Variants in STK32B observed in about 807,000 individuals in gnomAD.
The protein encoded by STK32B is serine/threonine-protein kinase 32B.
STK32B carries 43 observed loss-of-function variants against 52.6 expected under a neutral mutation model. The ratio of observed to expected loss-of-function variants is 0.82; its 90% CI spans 0.64 to 1.05. The LOEUF is 1.05. Among genes scored for constraint, STK32B ranks in the 50% least tolerant of loss-of-function variants. The probability of loss-of-function intolerance (pLI) is 0.00; values close to 1 mark genes in which losing one functional copy is unlikely to be tolerated. For synonymous variants in STK32B, 238 were observed against 204.3 expected (o/e 1.17, Z -1.41); for missense variants, 621 against 534.6 (o/e 1.16, Z -1.59).
intron 3 of STK32B, among the ~76,000 whole-genome samples, chr4:5,327,634 G>C (rs1464826378): frequency 2.0e-5 from 3 of 152,008 alleles, no homozygotes; most frequent in Non-Finnish European, 4.4e-5. Flanking sequence ...CTGGTGTGCT[G>C]TCATCTGGGG....
chr4:5,199,505 T>G (rs996349780), intron 3 of STK32B, among the ~76,000 whole-genome samples: 3 of 152,088 alleles, frequency 2.0e-5, no homozygotes, highest in African/African-American at 7.2e-5. Context: ...TTTTTTTTTT[T>G]GCATCTCTGA....
At chr4:5,362,683 G>T (rs1191663732) in intron 4 of STK32B, among the ~76,000 whole-genome samples, 5 of 152,120 alleles carry the variant, frequency 3.3e-5, no homozygotes, top group Admixed American at 6.5e-5. Flanking sequence ...ATAAAAGCTG[G>T]AAAAACAGCA....
rs531681913 is a variant in STK32B at position 5,485,974 on chromosome 4, G to A, written c.1107-12971G>A. Among the ~76,000 whole-genome samples the A allele has an allele frequency of 5.3e-4, 80 of 152,298 alleles. 1 individual carries two copies. The highest frequency in any genetic ancestry group is 1.8e-3 in the African/African-American group (73 of 41,570). On this transcript the variant is annotated intron_variant, in intron 11 of 11. Transcript: ENST00000282908. ...TTTTGTCTCAGGGGAGTACCTGGCC[G>A]TGTGAGGTGTCAGTCTGCCCCTACT...
At chr4:5,049,759 G>GT (rs942275038), upstream of STK32B, among the ~76,000 whole-genome samples, 12 of 151,824 alleles carry the variant, frequency 7.9e-5, no homozygotes, top group Admixed American at 5.2e-4. Context: ...GCTAAGTTTT[G>GT]TTTTTTTAGT....
chr4:5,346,970 A>G (rs558914119), intron 4 of STK32B, among the ~76,000 whole-genome samples: 2 of 152,278 alleles, frequency 1.3e-5, no homozygotes, highest in South Asian at 4.1e-4. Context: ...AACACTTATA[A>G]AACCATCAGA....
chr4:5,432,872 C>T (rs894110901), intron 6 of STK32B, among the ~76,000 whole-genome samples: 41 of 152,178 alleles, frequency 2.7e-4, no homozygotes, highest in African/African-American at 9.6e-4. Flanking sequence ...TTTCTCTTCA[C>T]AATAAGATTT....
chr4:5,352,354 T>A (rs761187422), intron 4 of STK32B, among the ~76,000 whole-genome samples: 6 of 152,036 alleles, frequency 3.9e-5, no homozygotes, highest in Non-Finnish European at 7.4e-5. Flanking sequence ...CAAATGATCA[T>A]CTAAATAGAT....
chr4:5,348,917 C>G (rs1733649085), intron 4 of STK32B, among the ~76,000 whole-genome samples: 1 of 152,162 alleles, frequency 6.6e-6, no homozygotes, highest in African/African-American at 2.4e-5. Context: ...GAGGTCAGGC[C>G]CAGTCAGCCT....
chr4:5,309,054 G>A (rs1339042898), intron 3 of STK32B, among the ~76,000 whole-genome samples: 1 of 152,022 alleles, frequency 6.6e-6, no homozygotes, highest in African/African-American at 2.4e-5. Flanking sequence ...CAGTAAAGTT[G>A]CAGGTAAAAA....
intron 4 of STK32B, among the ~76,000 whole-genome samples, chr4:5,362,300 C>T (rs371508547): frequency 6.6e-5 from 10 of 152,206 alleles, no homozygotes; most frequent in African/African-American, 2.4e-4. Context: ...CCTTTATGCA[C>T]TCATGATCTA....
At chr4:5,167,813 G>C (rs73091569) in intron 2 of STK32B, among the ~76,000 whole-genome samples, 1 of 152,160 alleles carries the variant, frequency 6.6e-6, no homozygotes, top group African/African-American at 2.4e-5. Flanking sequence ...GGCCCTACTG[G>C]CAAAAGAGAG....
rs769905206 is a variant in STK32B, at chr4:5,380,308, C to T, written c.435-17899C>T. ...CTATTTAATCCAGGCCCTCGCTTCC[C>T]TCCCAGCCCTCCTCCCGAATCTCTC... On this transcript the variant is annotated intron_variant, in intron 4 of 11. Coordinates refer to ENST00000282908, the MANE Select transcript of STK32B (RefSeq NM_018401.3). The surrounding 1 kb of genome is among the most constrained non-coding windows in gnomAD (Gnocchi z 4.3). 1.3e-5 allele frequency among the ~76,000 whole-genome samples: 2 copies of T among 152,168 alleles called. No individual in the cohort carries two copies. Among genetic ancestry groups the T allele is most frequent in the Non-Finnish European group, 2.9e-5 (2 of 68,040 alleles).
At chr4:5,115,772 T>G (rs1275454894) in intron 1 of STK32B, among the ~76,000 whole-genome samples, 3 of 152,208 alleles carry the variant, frequency 2.0e-5, no homozygotes, top group Non-Finnish European at 4.4e-5. Context: ...GACAAGCATC[T>G]CTGCTCTTTT....
chr4:5,422,439 C>T (rs1236446886), intron 6 of STK32B, among the ~76,000 whole-genome samples: 2 of 151,948 alleles, frequency 1.3e-5, no homozygotes, highest in East Asian at 3.9e-4. Flanking sequence ...AGGTAACTCA[C>T]AAAAGATGAT....
chr4:5,131,199 G>A (rs552211749), intron 1 of STK32B, among the ~76,000 whole-genome samples: 6 of 152,200 alleles, frequency 3.9e-5, no homozygotes, highest in Admixed American at 1.3e-4. Flanking sequence ...TGCTTCCCAC[G>A]TGTGCACAGG....
In STK32B at chr4:5,386,742, C is replaced by T. The variant is rs970017147; in HGVS notation, c.435-11465C>T. Among the ~76,000 whole-genome samples the T allele has an allele frequency of 1.3e-5, 2 of 152,282 alleles. No individual in the cohort carries two copies. Among genetic ancestry groups the T allele is most frequent in the Middle Eastern group, 3.4e-3 (1 of 294 alleles). ...ACTTAACTCATCTAAACGTAGGTCCCCTCATCTGGAAAATGACCAGGTCGT... is the reference window on the plus strand; with the variant it reads ...ACTTAACTCATCTAAACGTAGGTCCTCTCATCTGGAAAATGACCAGGTCGT... On this transcript the variant is annotated intron_variant, in intron 4 of 11. Transcript: ENST00000282908. The surrounding 1 kb of genome is among the most constrained non-coding windows in gnomAD (Gnocchi z 4.5).
intron 1 of STK32B, among the ~76,000 whole-genome samples, chr4:5,067,293 A>G (rs1352236077): frequency 6.6e-6 from 1 of 152,118 alleles, no homozygotes; most frequent in Admixed American, 6.6e-5. Context: ...CCCCCAACAC[A>G]TGGGAATTAT....
intron 4 of STK32B, among the ~76,000 whole-genome samples, chr4:5,363,377 A>C (rs983926973): frequency 6.6e-6 from 1 of 152,194 alleles, no homozygotes; most frequent in African/African-American, 2.4e-5. Context: ...ATGACTTGCC[A>C]AGGCCACAGG....
chr4:5,344,305 C>T (rs989418148), intron 4 of STK32B, among the ~76,000 whole-genome samples: 3 of 152,138 alleles, frequency 2.0e-5, no homozygotes, highest in African/African-American at 7.2e-5. Context: ...AGTAGCATTA[C>T]CTACATGAAA....
Sources: allele counts gnomAD v4.1 joint callset (sites outside exome capture counted in the v4.1 genomes callset), GRCh38; gene constraint gnomAD v4.1.1; non-coding constraint Gnocchi (gnomAD v3.1); transcripts MANE v1.5; gene names NCBI Gene and HGNC (gene_info 2026-07-23, HGNC 2026-07-21).